RUNX3: variants seen among roughly 807,000 people sequenced by gnomAD.
RUNX3 encodes the protein runt-related transcription factor 3.
A neutral mutation model predicts 27.7 loss-of-function variants in RUNX3; 10 were observed. The observed-to-expected ratio is 0.36, with a 90% CI of 0.22 to 0.61. RUNX3 has a LOEUF of 0.61. Among genes scored for constraint, RUNX3 ranks in the 20% least tolerant of loss-of-function variants. The pLI is 0.72. For synonymous variants in RUNX3, 270 were observed against 269.2 expected, an observed-to-expected ratio of 1.00 and a Z score of -0.03; for missense variants, 469 against 629.5, an observed-to-expected ratio of 0.75 and a Z score of 2.73.
At chr1:24,951,008 C>T (rs573994949) in intron 2 of RUNX3, among the ~76,000 whole-genome samples, 72 of 152,000 alleles carry the variant, frequency 4.7e-4, no homozygotes, top group Non-Finnish European at 9.0e-4. Context: ...GAGATTGAGA[C>T]CCTCCTGGAT....
At chr1:24,907,727 C>T (rs751363208) in intron 3 of RUNX3, among the ~76,000 whole-genome samples, 3 of 151,274 alleles carry the variant, frequency 2.0e-5, no homozygotes, top group Non-Finnish European at 4.4e-5. Context: ...GTGATCTAAA[C>T]CTCTACAACA....
intron 3 of RUNX3, among the ~76,000 whole-genome samples, chr1:24,918,595 TCAG>T (rs1352456243): frequency 2.0e-5 from 3 of 152,042 alleles, no homozygotes; most frequent in African/African-American, 7.3e-5. Flanking sequence ...ATTCAGTCAG[TCAG>T]TCAGTCAGTC....
At chr1:24,917,225 A>C (rs577001014) in intron 3 of RUNX3, among the ~76,000 whole-genome samples, 8 of 151,844 alleles carry the variant, frequency 5.3e-5, no homozygotes, top group African/African-American at 1.9e-4. Context: ...CCGCATCCCC[A>C]CCCAGAGCCC....
chr1:24,906,768 A>G (rs754385470), intron 4 of RUNX3, among the ~76,000 whole-genome samples: 11 of 152,334 alleles, frequency 7.2e-5, no homozygotes, highest in Non-Finnish European at 1.5e-4. Context: ...GTCACTTAAC[A>G]GTGTGCAAAG....
chr1:24,936,843 G>A (rs1190821900), intron 2 of RUNX3, among the ~76,000 whole-genome samples: 1 of 152,202 alleles, frequency 6.6e-6, no homozygotes, highest in African/African-American at 2.4e-5. Flanking sequence ...TTGGCCTTAC[G>A]CAGATGAAGA....
At chr1:24,957,770 G>C (rs755033962) in intron 2 of RUNX3, among the ~76,000 whole-genome samples, 5 of 152,206 alleles carry the variant, frequency 3.3e-5, no homozygotes, top group Non-Finnish European at 7.3e-5. Flanking sequence ...CATGCCTTGA[G>C]GGGGTGCTAT....
chr1:24,940,051 T>C (rs1288839090), intron 2 of RUNX3, among the ~76,000 whole-genome samples: 2 of 152,224 alleles, frequency 1.3e-5, no homozygotes, highest in African/African-American at 2.4e-5. Flanking sequence ...CTGGAGACTT[T>C]GCCCTGGAGG....
chr1:24,955,761 G>T (rs1014571937), intron 2 of RUNX3, among the ~76,000 whole-genome samples: 5 of 152,222 alleles, frequency 3.3e-5, no homozygotes, highest in East Asian at 1.9e-4. Flanking sequence ...GAAAAACACT[G>T]GGGGGGAGGG....
At chr1:24,947,468 A>G (rs1190548372) in intron 2 of RUNX3, among the ~76,000 whole-genome samples, 1 of 152,072 alleles carries the variant, frequency 6.6e-6, no homozygotes, top group Non-Finnish European at 1.5e-5. Context: ...TGCTGAGTCA[A>G]AGAGAGAGAG....
intron 2 of RUNX3, among the ~76,000 whole-genome samples, chr1:24,945,623 T>C (rs1641587143): frequency 6.6e-6 from 1 of 152,154 alleles, no homozygotes; most frequent in Non-Finnish European, 1.5e-5. Flanking sequence ...CACATAACCA[T>C]TGAGCAGCAG....
In RUNX3 at chr1:24,943,228, G is replaced by A. The variant is rs1056650915; in HGVS notation, c.59-13376C>T. On this transcript the variant is annotated intron_variant, in intron 2 of 6. Transcript: ENST00000338888. The surrounding 1 kb of genome is among the most constrained non-coding windows in gnomAD (Gnocchi z 4.6). ...GGGGCAGGCATGCCACCCAGCACGT[G>A]GGGGAGGCCAGGGCTTTGGGAGCAT... Among the ~76,000 whole-genome samples the A allele has an allele frequency of 6.6e-6, 1 of 152,240 alleles. No individual in the cohort carries two copies. The highest frequency in any genetic ancestry group is 1.5e-5 in the Non-Finnish European group (1 of 68,034).
rs200240148 is a variant in RUNX3 at position 24,919,758 on chromosome 1, C to CA, written c.440-415_440-414insT. ...TAAATAAAGAAGAAAAGACACCCCC[C>CA]CCCCACGGTTCCACTAGCTGGAGAT... On this transcript the variant is annotated intron_variant, in intron 2 of 4. Coordinates refer to ENST00000308873, the MANE Select transcript of RUNX3 (RefSeq NM_004350.3). Among the ~76,000 whole-genome samples, 525 of 151,978 alleles carry CA rather than the reference C, an allele frequency of 3.5e-3. 6 individuals are homozygous for CA. Among genetic ancestry groups the CA allele is most frequent in the Middle Eastern group, 0.01 (3 of 294 alleles).
At chr1:24,941,021 GA>G (rs1641463240) in intron 2 of RUNX3, among the ~76,000 whole-genome samples, 2 of 152,164 alleles carry the variant, frequency 1.3e-5, no homozygotes, top group African/African-American at 4.8e-5. Context: ...CCAAACCTCT[GA>G]AAAAATGGAC....
upstream of RUNX3, among the ~76,000 whole-genome samples, chr1:24,931,593 A>C (rs567009742): frequency 1.3e-4 from 20 of 152,256 alleles, no homozygotes; most frequent in South Asian, 1.0e-3. Flanking sequence ...CCGGCTCTCG[A>C]CAGGTGCAAA....
At chr1:24,932,152 G>T (rs1415274030), upstream of RUNX3, among the ~76,000 whole-genome samples, 1 of 152,234 alleles carries the variant, frequency 6.6e-6, no homozygotes, top group Non-Finnish European at 1.5e-5. Context: ...CGTGCCCTTT[G>T]CTTGTTCCTC....
rs905865559 is a variant in RUNX3 at position 24,921,568 on chromosome 1, G to A, written c.440-2224C>T. 3.3e-5 allele frequency among the ~76,000 whole-genome samples: 5 copies of A among 152,244 alleles called. No homozygotes were observed. The East Asian group carries it at 9.6e-4, about 29-fold the overall frequency. On this transcript the variant is annotated intron_variant, in intron 2 of 4. Transcript: ENST00000308873. The stretch of plus-strand genomic sequence containing the variant: ...CCACTTTGTATGATTTCTGGAAGCA[G>A]AAGTGCAGATGGTCTAGGGAAGTGC...
At chr1:24,915,161 C>T (rs544919662) in intron 3 of RUNX3, among the ~76,000 whole-genome samples, 14 of 151,636 alleles carry the variant, frequency 9.2e-5, no homozygotes, top group South Asian at 2.1e-4. Flanking sequence ...CGGTGGCTCA[C>T]GCCTGTAGTC....
In RUNX3 at chr1:24,930,271, AG is replaced by A; in HGVS notation, c.-404del. On this transcript the variant is annotated 5_prime_UTR_variant, in exon 1 of 5. Transcript: ENST00000308873. The surrounding 1 kb of genome is among the most constrained non-coding windows in gnomAD (Gnocchi z 4.1). Reference sequence around the variant, plus strand: ...CCCCAGAACAAATCCTCCAGAATCAAGTGGCGGGGCCGCGGCCGCCCGCGCG... The same window carrying A: ...CCCCAGAACAAATCCTCCAGAATCAATGGCGGGGCCGCGGCCGCCCGCGCG... 1 of 981,144 alleles carries A rather than the reference AG, an allele frequency of 1.0e-6. No individual in the cohort carries two copies. Among genetic ancestry groups the A allele is most frequent in the Non-Finnish European group, 1.2e-6 (1 of 827,020 alleles). The allele number at this position is 981,144 out of a possible 1,614,324, so 60.8% of individuals were successfully genotyped here. A position where few individuals can be genotyped will look rare whatever the true frequency, so the allele number is the denominator to read the frequency against.
At chr1:24,915,759 A>C (rs1258261020) in intron 3 of RUNX3, among the ~76,000 whole-genome samples, 14 of 151,608 alleles carry the variant, frequency 9.2e-5, no homozygotes, top group African/African-American at 3.1e-4. Context: ...GGGTGGCCAG[A>C]GCAGGATGTG....
Sources: gnomAD v4.1 joint callset for allele counts (sites outside exome capture counted in the v4.1 genomes callset) on GRCh38, gnomAD v4.1.1 for gene constraint, Gnocchi (gnomAD v3.1) non-coding constraint, MANE v1.5 for transcripts, NCBI Gene and HGNC (gene_info 2026-07-23, HGNC 2026-07-21) for gene names.